KDM3B: variants seen among roughly 807,000 people sequenced by gnomAD.
KDM3B encodes lysine-specific demethylase 3B.
A neutral mutation model predicts 170.0 loss-of-function variants in KDM3B; 10 were observed. That is an observed-to-expected ratio of 0.06 (90% CI 0.04 to 0.10). The LOEUF (loss-of-function observed/expected upper bound fraction) is 0.10, where lower values mean the gene tolerates loss of function less well. Ranked by LOEUF, KDM3B falls within the 10% of genes least tolerant of loss-of-function variation. KDM3B has a pLI of 1.00. For missense variants in KDM3B, 1,394 were observed against 2,195.2 expected (o/e 0.64, Z 7.29); for synonymous variants, 831 against 834.8 (o/e 1.00, Z 0.08).
intron 3 of KDM3B, among the ~76,000 whole-genome samples, chr5:138,375,934 C>G (rs535321070): frequency 3.9e-5 from 6 of 152,214 alleles, no homozygotes; most frequent in Non-Finnish European, 7.3e-5. Flanking sequence ...GCCTTGGCCT[C>G]CCAAAGTGCT....
Position 138,392,012 on chromosome 5 carries a change from G to A in KDM3B, c.2380G>A (p.Val794Met), listed in dbSNP as rs1329884850. 1 of 1,614,106 alleles carries A rather than the reference G, an allele frequency of 6.2e-7. No homozygotes were observed. Among genetic ancestry groups the A allele is most frequent in the East Asian group, 2.2e-5 (1 of 44,880 alleles). Residue 794 changes from valine (V) to methionine (M), a missense_variant, in exon 8 of 24, where the codon GTG (valine) becomes ATG (methionine). By Grantham distance (21) the Val-to-Met change is conservative (BLOSUM62 1). Around this residue, in one of 19 missense-constraint regions of KDM3B, gnomAD observed 84 missense variants for 135.8 expected, o/e 0.62. Transcript: ENST00000314358. ...SQENKAPFEA[V>M]KRFSLDERSL... ...GGAGAACAAAGCTCCTTTTGAAGCT[G>A]TGAAAAGGTTCTCACTGGATGAACG...
At chr5:138,383,047 C>T (rs1474785296) in intron 6 of KDM3B, among the ~76,000 whole-genome samples, 1 of 152,092 alleles carries the variant, frequency 6.6e-6, no homozygotes, top group Non-Finnish European at 1.5e-5. Context: ...GTAGGACTTA[C>T]ATATAAGTTG....
At chr5:138,353,127 G>T in intron 1 of KDM3B, 140 bp downstream of exon 1, 1 of 677,816 alleles carries the variant, frequency 1.5e-6, no homozygotes, top group Non-Finnish European at 2.0e-6. Context: ...CCCCCCGCCG[G>T]CACCTCCGCA....
At position 138,386,437 on chromosome 5, in the gene KDM3B, G is replaced by A. The variant is rs1464980856; in HGVS notation, c.1196G>A (p.Gly399Asp). Residue 399 changes from glycine to aspartate, a missense_variant, in exon 7 of 24, where the codon GGT becomes GAT. Physicochemically the swap from Gly to Asp is moderately conservative, Grantham distance 94. Coordinates refer to ENST00000314358, the MANE Select transcript of KDM3B (RefSeq NM_016604.4). ...CAGACACCTTTGGCCCCAGAGGTGGGTGGAGCCGAAAACAAAGAGGCAGGA... is the reference window on the plus strand; with the variant it reads ...CAGACACCTTTGGCCCCAGAGGTGGATGGAGCCGAAAACAAAGAGGCAGGA... The part of the protein sequence containing the change: ...TGQTPLAPEV[G>D]GAENKEAGKT... The A allele has an allele frequency of 6.2e-7, 1 of 1,614,184 alleles. No individual in the cohort carries two copies. The highest frequency in any genetic ancestry group is 8.5e-7 in the Non-Finnish European group (1 of 1,180,044).
intron 6 of KDM3B, among the ~76,000 whole-genome samples, chr5:138,383,232 G>T (rs562101620): frequency 6.6e-6 from 1 of 151,738 alleles, no homozygotes; most frequent in East Asian, 1.9e-4. Context: ...TCCGCCTCCC[G>T]GGTTCAAGTG....
chr5:138,430,534 C>T, intron 22 of KDM3B, 109 bp downstream of exon 22: 5 of 949,122 alleles, frequency 5.3e-6, no homozygotes, highest in Non-Finnish European at 7.9e-6. Flanking sequence ...ACTGATCTCT[C>T]TTATGCTGCA....
At chr5:138,377,514 C>T (rs951659682) in intron 3 of KDM3B, among the ~76,000 whole-genome samples, 1 of 152,188 alleles carries the variant, frequency 6.6e-6, no homozygotes, top group Non-Finnish European at 1.5e-5. Flanking sequence ...CCTCAAACTC[C>T]TGGGTTCAAG....
intron 1 of KDM3B, among the ~76,000 whole-genome samples, chr5:138,353,879 T>C (rs1051243455): frequency 6.6e-6 from 1 of 152,140 alleles, no homozygotes; most frequent in Non-Finnish European, 1.5e-5. Context: ...AGTGTTTGAG[T>C]TTTGGCAAGC....
Position 138,392,801 on chromosome 5 carries a change from C to T in KDM3B, c.2630-370C>T, listed in dbSNP as rs1762466800. 2.6e-5 allele frequency among the ~76,000 whole-genome samples: 4 copies of T among 152,294 alleles called. No homozygotes were observed. The South Asian group carries it at 8.3e-4, about 32-fold the overall frequency. On this transcript the variant is annotated intron_variant, in intron 8 of 23. Coordinates refer to ENST00000314358, the MANE Select transcript of KDM3B (RefSeq NM_016604.4). ...AAACAAAGTCTCATGGTAAAAGCAG[C>T]TGTTCTCAATAGGAATTGCTATGTT...
chr5:138,436,016 G>T lies in KDM3B; in HGVS notation c.*316G>T. On this transcript the variant is annotated 3_prime_UTR_variant, in exon 24 of 24. Transcript: ENST00000314358. ...CATTCTCCTGATTTGAGATTCACGG[G>T]CACACCTTTCTTTTCTTTTCCTCTT... The T allele has an allele frequency of 3.3e-6, 1 of 299,266 alleles. No homozygotes were observed. Among genetic ancestry groups the T allele is most frequent in the Non-Finnish European group, 6.3e-6 (1 of 159,552 alleles). 18.5% of individuals were successfully genotyped at this position (299,266 alleles called of 1,614,324 possible). A position where few individuals can be genotyped will look rare whatever the true frequency, so the allele number is the denominator to read the frequency against.
At chr5:138,433,676 T>A (rs796399585) in intron 23 of KDM3B, among the ~76,000 whole-genome samples, 13 of 151,922 alleles carry the variant, frequency 8.6e-5, no homozygotes, top group African/African-American at 3.1e-4. Context: ...CCCAAAGCGC[T>A]GGAATTACAG....
In KDM3B at chr5:138,391,880, C is replaced by G; in HGVS notation, c.2248C>G (p.Pro750Ala). ...TLSSSPTEER[P>A]TVGPGQQDNP... is the part of the protein sequence containing the mutation. ...CTCCTCTAGCCCCACAGAGGAGAGG[C>G]CAACTGTGGGGCCTGGGCAGCAGGA... is the stretch of plus-strand genomic sequence containing the variant. Residue 750 changes from proline (P) to alanine (A), a missense_variant, in exon 8 of 24, where the codon CCA becomes GCA. Physicochemically the swap from Pro to Ala is conservative, Grantham distance 27. This residue lies in a region of KDM3B where 294 missense variants were observed against 311.7 expected (regional missense o/e 0.94). Transcript: ENST00000314358. This position sits in a 1 kb window ranked among gnomAD's most constrained non-coding sequence, Gnocchi z 5.0. 6.2e-7 allele frequency: 1 copy of G among 1,614,054 alleles called. No homozygotes were observed. The highest frequency in any genetic ancestry group is 8.5e-7 in the Non-Finnish European group (1 of 1,179,958).
chr5:138,377,828 A>G lies in KDM3B; in HGVS notation c.580+3A>G. The G allele has an allele frequency of 1.9e-6, 3 of 1,601,744 alleles. No homozygotes were observed. The highest frequency in any genetic ancestry group is 2.6e-6 in the Non-Finnish European group (3 of 1,168,854). ...GCTACAAGAGATATTCAGCCGAGGT[A>G]AGAACGGATAGTCTTCTGTCCCTGA... On this transcript the variant is annotated splice_donor_region_variant and intron_variant, in intron 4 of 23. Coordinates refer to ENST00000314358, the MANE Select transcript of KDM3B (RefSeq NM_016604.4).
chr5:138,424,901 T>C (rs1763357138), intron 16 of KDM3B, among the ~76,000 whole-genome samples: 1 of 152,212 alleles, frequency 6.6e-6, no homozygotes, highest in Non-Finnish European at 1.5e-5. Flanking sequence ...TTCTGTTAGG[T>C]GGTGATCTGG....
In KDM3B at chr5:138,420,715, C is replaced by T. The variant is rs562855380; in HGVS notation, c.3725C>T (p.Ser1242Phe). ...GGTTATGTTCTTACAGAAGCAGGGTCCCTGAGGTCGGTGCTCAATAAAGAG... is the reference window on the plus strand; with the variant it reads ...GGTTATGTTCTTACAGAAGCAGGGTTCCTGAGGTCGGTGCTCAATAAAGAG... ...KAKEETKEAG[S>F]LRSVLNKESH... Residue 1242 changes from serine (S) to phenylalanine (F), a missense_variant, in exon 15 of 24, where the codon TCC becomes TTC. This residue lies in a region of KDM3B where 137 missense variants were observed against 166.9 expected (regional missense o/e 0.82). Transcript: ENST00000314358. 2 of 1,614,008 alleles carry T rather than the reference C, an allele frequency of 1.2e-6. No homozygotes were observed. The highest frequency in any genetic ancestry group is 2.2e-5 in the East Asian group (1 of 44,870).
At position 138,399,981 on chromosome 5, in the gene KDM3B, T is replaced by C; in HGVS notation, c.3168T>C (p.Cys1056=). ...RKCGFGVCLD[C]YRLRKSRPRS... is the part of the protein sequence containing the mutation. Reference sequence around the variant, plus strand: ...GTGGATTTGGGGTCTGCCTTGACTGTTACCGGCTCAGGAAAAGCCGGCCAC... The same window carrying C: ...GTGGATTTGGGGTCTGCCTTGACTGCTACCGGCTCAGGAAAAGCCGGCCAC... The change falls in exon 11 of 24, where the codon TGT becomes TGC. Residue 1056 remains cysteine (C), a synonymous_variant. Coordinates refer to ENST00000314358, the MANE Select transcript of KDM3B (RefSeq NM_016604.4). 6.2e-7 allele frequency: 1 copy of C among 1,614,212 alleles called. No homozygotes were observed. Among genetic ancestry groups the C allele is most frequent in the Non-Finnish European group, 8.5e-7 (1 of 1,180,030 alleles).
intron 1 of KDM3B, 59 bp downstream of exon 1, chr5:138,353,046 C>T: frequency 8.5e-7 from 1 of 1,181,380 alleles, no homozygotes; most frequent in Non-Finnish European, 1.1e-6. Flanking sequence ...CGGGCGGCCT[C>T]CCCGGGGGCC....
At chr5:138,427,404 G>T (rs1286015566) in intron 19 of KDM3B, 85 bp downstream of exon 19, 1 of 1,453,088 alleles carries the variant, frequency 6.9e-7, no homozygotes, top group Non-Finnish European at 9.4e-7. Context: ...TCAATGTCAG[G>T]TATAGAGATG....
In KDM3B at chr5:138,374,076, C is replaced by T. The variant is rs548364304; in HGVS notation, c.361-1017C>T. Among the ~76,000 whole-genome samples, 14 of 152,270 alleles carry T rather than the reference C, an allele frequency of 9.2e-5. No individual in the cohort carries two copies. In the East Asian group the frequency reaches 2.3e-3, roughly 25 times the overall value. ...TGGCACGATCTAGGCTCACTGCAAC[C>T]TCTGCTTCCCAGGTTCAAGCGATTC... On this transcript the variant is annotated intron_variant, in intron 2 of 23. Transcript: ENST00000314358.
Sources: allele counts gnomAD v4.1 joint callset (sites outside exome capture counted in the v4.1 genomes callset), GRCh38; gene constraint gnomAD v4.1.1; regional missense constraint gnomAD v4.1.1; non-coding constraint Gnocchi (gnomAD v3.1); transcripts MANE v1.5; gene names NCBI Gene and HGNC (gene_info 2026-07-23, HGNC 2026-07-21).